Variants in CNTN5 observed in about 807,000 individuals in gnomAD.
CNTN5 encodes contactin 5.
CNTN5 carries 77 observed loss-of-function variants against 129.1 expected under a neutral mutation model. That is an observed-to-expected ratio of 0.60 (90% CI 0.50 to 0.72). The LOEUF is 0.72. Among genes scored for constraint, CNTN5 ranks in the 30% least tolerant of loss-of-function variants. The pLI is 0.00. For missense variants in CNTN5, 1,478 were observed against 1,328.8 expected, an observed-to-expected ratio of 1.11 and a Z score of -1.75; for synonymous variants, 509 against 465.6, an observed-to-expected ratio of 1.09 and a Z score of -1.20.
intron 2 of CNTN5, among the ~76,000 whole-genome samples, chr11:99,532,902 C>T (rs1243177187): frequency 1.3e-5 from 2 of 152,162 alleles, no homozygotes; most frequent in South Asian, 2.1e-4. Context: ...TAAAGACAAT[C>T]CAGTTGATAG....
chr11:99,997,322 G>C (rs563633904), intron 8 of CNTN5, among the ~76,000 whole-genome samples: 2 of 152,152 alleles, frequency 1.3e-5, no homozygotes, highest in East Asian at 3.9e-4. Context: ...TATTTTAATT[G>C]TGATGTTAGG....
chr11:99,360,913 C>T lies in CNTN5; in HGVS notation c.-71+35429C>T, dbSNP rs143446824. 1.6e-4 allele frequency among the ~76,000 whole-genome samples: 24 copies of T among 152,176 alleles called. No homozygotes were observed. In the East Asian group the frequency reaches 1.7e-3, roughly 11 times the overall value. ...TTCATTTCTCTTCTTTCTCATTTTA[C>T]GATAAGCAGTCAAGAGAAGACATGC... On this transcript the variant is annotated intron_variant, in intron 2 of 24. Coordinates refer to ENST00000524871, the MANE Select transcript of CNTN5 (RefSeq NM_014361.4).
At chr11:99,484,713 A>T (rs1014036495) in intron 2 of CNTN5, among the ~76,000 whole-genome samples, 4 of 152,230 alleles carry the variant, frequency 2.6e-5, no homozygotes, top group Non-Finnish European at 4.4e-5. Context: ...CTACAAAAAA[A>T]AAAGGTGAAA....
intron 3 of CNTN5, among the ~76,000 whole-genome samples, chr11:99,691,108 CATT>C (rs1202780279): frequency 6.6e-6 from 1 of 151,406 alleles, no homozygotes; most frequent in Admixed American, 6.6e-5. Flanking sequence ...GTAATATGGC[CATT>C]ATTGTTTCTG....
intron 7 of CNTN5, among the ~76,000 whole-genome samples, chr11:99,955,358 T>C (rs1160360708): frequency 2.6e-5 from 4 of 151,878 alleles, no homozygotes; most frequent in African/African-American, 7.2e-5. Context: ...AGTAAAGTCA[T>C]GTGGATATTT....
chr11:100,248,095 C>T (rs986274131), intron 16 of CNTN5, among the ~76,000 whole-genome samples: 1 of 152,118 alleles, frequency 6.6e-6, no homozygotes, highest in Non-Finnish European at 1.5e-5. Context: ...AGTGTCTGTC[C>T]TCAAACAGTA....
intron 1 of CNTN5, among the ~76,000 whole-genome samples, chr11:99,129,713 G>A (rs930010965): frequency 6.6e-6 from 1 of 152,132 alleles, no homozygotes; most frequent in Non-Finnish European, 1.5e-5. Context: ...CAGTCAGAGA[G>A]AAAGGCCAGG....
chr11:100,126,147 T>A (rs1319943811), intron 13 of CNTN5, among the ~76,000 whole-genome samples: 1 of 152,166 alleles, frequency 6.6e-6, no homozygotes, highest in African/African-American at 2.4e-5. Context: ...ACAGTTGTAT[T>A]CCACTGTGAC....
intron 21 of CNTN5, among the ~76,000 whole-genome samples, chr11:100,334,999 G>A (rs1196098164): frequency 6.7e-6 from 1 of 148,354 alleles, no homozygotes; most frequent in Non-Finnish European, 1.5e-5. Context: ...AAAAAAAAAA[G>A]GTTGATAAGA....
chr11:99,122,872 G>C (rs995852861), intron 1 of CNTN5, among the ~76,000 whole-genome samples: 1 of 151,990 alleles, frequency 6.6e-6, no homozygotes, highest in South Asian at 2.1e-4. Flanking sequence ...CAAAGGACAT[G>C]GTCTCTTTCT....
Position 100,061,392 on chromosome 11 carries a change from C to T in CNTN5, c.1161C>T (p.Tyr387=). 3 of 1,554,048 alleles carry T rather than the reference C, an allele frequency of 1.9e-6. No homozygotes were observed. The highest frequency in any genetic ancestry group is 1.7e-4 in the Middle Eastern group (1 of 5,806). The change falls in exon 10 of 25, where the codon TAC becomes TAT. Residue 387 remains tyrosine (Y), a splice_region_variant and synonymous_variant. Transcript: ENST00000524871. ...CCTTTCGTGGACAATTACAAGTATA[C>T]AGTAAGTGTTTTCAGCAAAGCATGA... ...KNSFRGQLQV[Y]TYPHWVEKLN...
chr11:99,468,089 C>A (rs960326260), intron 2 of CNTN5, among the ~76,000 whole-genome samples: 1 of 152,032 alleles, frequency 6.6e-6, no homozygotes, highest in African/African-American at 2.4e-5. Context: ...ATTAGGTGAG[C>A]TCTATCTGAA....
rs137936242 is a variant in CNTN5, at chr11:100,105,575, C to T, written c.1580+31281C>T. ...ACAAACCAATATCGGAAGGAAGGAC[C>T]CATACGGTAAGATGACCACAAACAT... is the stretch of plus-strand genomic sequence containing the variant. On this transcript the variant is annotated intron_variant, in intron 13 of 24. Transcript: ENST00000524871. Among the ~76,000 whole-genome samples, 89 of 152,222 alleles carry T rather than the reference C, an allele frequency of 5.8e-4. No homozygotes were observed. The East Asian group carries it at 0.016, about 28-fold the overall frequency.
intron 1 of CNTN5, among the ~76,000 whole-genome samples, chr11:99,269,251 GATTA>G (rs1266797057): frequency 6.6e-6 from 1 of 151,510 alleles, no homozygotes; most frequent in Admixed American, 6.6e-5. Flanking sequence ...AAAATAGAAG[GATTA>G]ATTATTATCT....
chr11:100,140,739 G>A (rs1946672355), intron 13 of CNTN5, among the ~76,000 whole-genome samples: 1 of 152,158 alleles, frequency 6.6e-6, no homozygotes, highest in Non-Finnish European at 1.5e-5. Flanking sequence ...GACAGATAGA[G>A]TGTTAGAATG....
At chr11:100,081,884 T>C (rs1421557) in intron 13 of CNTN5, among the ~76,000 whole-genome samples, 80,794 of 151,922 alleles carry the variant, frequency 0.53, 22,705 homozygotes, top group African/African-American at 0.73. Flanking sequence ...TAACTGACCT[T>C]GAGATTAATA....
At chr11:99,131,765 G>A (rs1858950417) in intron 1 of CNTN5, among the ~76,000 whole-genome samples, 1 of 151,472 alleles carries the variant, frequency 6.6e-6, no homozygotes, top group Non-Finnish European at 1.5e-5. Flanking sequence ...TAAAGAGCTT[G>A]CCAATCAAAA....
chr11:100,159,938 A>ATATATATACTT (rs937771799), intron 13 of CNTN5, among the ~76,000 whole-genome samples: 6 of 151,666 alleles, frequency 4.0e-5, no homozygotes, highest in Non-Finnish European at 5.9e-5. Flanking sequence ...ATTTCTTTTC[A>ATATATATACTT]TATATATACT....
chr11:99,972,575 C>A (rs1418618176), intron 8 of CNTN5, among the ~76,000 whole-genome samples: 1 of 151,204 alleles, frequency 6.6e-6, no homozygotes, highest in Non-Finnish European at 1.5e-5. Context: ...TTCCCAGAAC[C>A]ACACCCAGCT....
Sources: gnomAD v4.1 joint callset for allele counts (sites outside exome capture counted in the v4.1 genomes callset) on GRCh38, gnomAD v4.1.1 for gene constraint, MANE v1.5 for transcripts, NCBI Gene and HGNC (gene_info 2026-07-23, HGNC 2026-07-21) for gene names.